PXDNL: variants seen among roughly 807,000 people sequenced by gnomAD.
PXDNL encodes the protein peroxidasin like, also known as probable oxidoreductase PXDNL.
In PXDNL, 145 loss-of-function variants were observed where a neutral mutation model predicts 150.8. That is an observed-to-expected ratio of 0.96 (90% CI 0.84 to 1.10). PXDNL has a LOEUF of 1.10. Ranked by LOEUF, PXDNL falls within the 50% of genes least tolerant of loss-of-function variation. The pLI, the probability that PXDNL is intolerant of heterozygous loss-of-function variation, is 0.00. For synonymous variants in PXDNL, 757 were observed against 725.7 expected (o/e 1.04, Z -0.69); for missense variants, 2,087 against 1,873.9 (o/e 1.11, Z -2.10).
chr8:51,468,543 T>A (rs1388255178), intron 8 of PXDNL, among the ~76,000 whole-genome samples: 1 of 151,974 alleles, frequency 6.6e-6, no homozygotes, highest in African/African-American at 2.4e-5. Flanking sequence ...TAAAATTCAA[T>A]ATTATGTCTT....
rs763976562 is a variant in PXDNL at position 51,750,564 on chromosome 8, C to T, written c.164+58617G>A. Among the ~76,000 whole-genome samples, 5 of 152,198 alleles carry T rather than the reference C, an allele frequency of 3.3e-5. No individual in the cohort carries two copies. The South Asian group carries it at 8.3e-4, about 25-fold the overall frequency. ...ATACACTGTCCATCATTGACCAAAA[C>T]GTCATTATGTGGTGCATGACTGTAT... On this transcript the variant is annotated intron_variant, in intron 1 of 22. Transcript: ENST00000356297.
At chr8:51,355,198 A>G (rs968655562) in intron 19 of PXDNL, among the ~76,000 whole-genome samples, 4 of 152,222 alleles carry the variant, frequency 2.6e-5, no homozygotes, top group African/African-American at 7.2e-5. Flanking sequence ...TAAGTTAAGC[A>G]TGAAAATACT....
At chr8:51,431,377 A>G (rs1247559748) in intron 12 of PXDNL, among the ~76,000 whole-genome samples, 1 of 152,156 alleles carries the variant, frequency 6.6e-6, no homozygotes, top group Non-Finnish European at 1.5e-5. Context: ...GTTTCTTCGA[A>G]AACAAAAACA....
At position 51,552,597 on chromosome 8, in the gene PXDNL, C is replaced by T. The variant is rs573993739; in HGVS notation, c.380+4243G>A. ...AACTCAGAAATGGAAAGCCAAATAT[C>T]GTAGGTTCTCATAAGTGCGAACTAA... On this transcript the variant is annotated intron_variant, in intron 4 of 22. Coordinates refer to ENST00000356297, the MANE Select transcript of PXDNL (RefSeq NM_144651.5). Among the ~76,000 whole-genome samples, 19 of 152,206 alleles carry T rather than the reference C, an allele frequency of 1.2e-4. No individual in the cohort carries two copies. The South Asian group carries it at 2.9e-3, about 23-fold the overall frequency.
At chr8:51,709,675 G>A (rs1316356528) in intron 1 of PXDNL, among the ~76,000 whole-genome samples, 1 of 152,062 alleles carries the variant, frequency 6.6e-6, no homozygotes. Context: ...AGAAATGAAG[G>A]ATAAGTTAAT....
chr8:51,596,655 C>T (rs891023666), intron 2 of PXDNL, among the ~76,000 whole-genome samples: 13 of 151,990 alleles, frequency 8.6e-5, no homozygotes, highest in African/African-American at 2.7e-4. Flanking sequence ...TCTGATGATT[C>T]GTGATGATGA....
intron 6 of PXDNL, among the ~76,000 whole-genome samples, chr8:51,481,710 A>G (rs906628330): frequency 2.0e-5 from 3 of 152,334 alleles, no homozygotes; most frequent in Non-Finnish European, 2.9e-5. Flanking sequence ...TCTAGCCATG[A>G]CTAAAAGGGG....
intron 1 of PXDNL, among the ~76,000 whole-genome samples, chr8:51,705,128 C>G (rs1468663073): frequency 6.6e-6 from 1 of 152,156 alleles, no homozygotes. Context: ...CTGGATCATC[C>G]TTTGACTGAA....
At chr8:51,646,224 C>G (rs1814916913) in intron 2 of PXDNL, among the ~76,000 whole-genome samples, 1 of 152,118 alleles carries the variant, frequency 6.6e-6, no homozygotes, top group African/African-American at 2.4e-5. Context: ...AGCAGGATAT[C>G]TGTGTGCAGA....
At chr8:51,415,434 G>A (rs182957994) in intron 14 of PXDNL, among the ~76,000 whole-genome samples, 3 of 152,274 alleles carry the variant, frequency 2.0e-5, no homozygotes, top group Non-Finnish European at 4.4e-5. Context: ...GGCTGGAACA[G>A]GAGAGAGAGC....
At chr8:51,767,073 C>T (rs1421463961) in intron 1 of PXDNL, among the ~76,000 whole-genome samples, 1 of 151,836 alleles carries the variant, frequency 6.6e-6, no homozygotes, top group African/African-American at 2.4e-5. Context: ...CTATGTCTGT[C>T]CTTCTATTCT....
At chr8:51,543,179 G>A (rs1365789712) in intron 4 of PXDNL, among the ~76,000 whole-genome samples, 1 of 152,120 alleles carries the variant, frequency 6.6e-6, no homozygotes, top group Non-Finnish European at 1.5e-5. Flanking sequence ...CAAGATCAAA[G>A]AGCTAAGTGC....
At chr8:51,354,859 T>C (rs1397939963) in intron 19 of PXDNL, among the ~76,000 whole-genome samples, 2 of 152,120 alleles carry the variant, frequency 1.3e-5, no homozygotes, top group Non-Finnish European at 1.5e-5. Context: ...GAATGCTTTG[T>C]ACTCTATGTA....
chr8:51,622,454 G>A (rs911022145), intron 2 of PXDNL, among the ~76,000 whole-genome samples: 2 of 152,144 alleles, frequency 1.3e-5, no homozygotes, highest in Non-Finnish European at 2.9e-5. Flanking sequence ...GTTGTTTGGG[G>A]TTATATAAAT....
chr8:51,589,300 C>A (rs1286287829), intron 3 of PXDNL, among the ~76,000 whole-genome samples: 1 of 152,108 alleles, frequency 6.6e-6, no homozygotes, highest in African/African-American at 2.4e-5. Context: ...GTTGTTCTAA[C>A]AGATACCAAA....
chr8:51,436,083 G>T, intron 12 of PXDNL: 1 of 513,048 alleles, frequency 1.9e-6, no homozygotes, highest in South Asian at 1.5e-5. Flanking sequence ...GAAACCTTTT[G>T]AAAGGTTCTT....
At position 51,436,205 on chromosome 8, in the gene PXDNL, T is replaced by C. The variant is rs1809403786; in HGVS notation, c.1526-9447A>G. 5.7e-6 allele frequency: 3 copies of C among 522,400 alleles called. No individual in the cohort carries two copies. The African/African-American group carries it at 5.8e-5, about 10-fold the overall frequency. 32.4% of individuals were successfully genotyped at this position (522,400 alleles called of 1,614,324 possible). On this transcript the variant is annotated intron_variant, in intron 12 of 22. Coordinates refer to ENST00000356297, the MANE Select transcript of PXDNL (RefSeq NM_144651.5). The stretch of plus-strand genomic sequence containing the variant: ...TGGTATCATCCCAAAAGCCAACCAT[T>C]CGTGGGCCATGTGTTGACTTTCACC...
At chr8:51,800,705 A>G (rs1040446319) in intron 1 of PXDNL, among the ~76,000 whole-genome samples, 1 of 152,232 alleles carries the variant, frequency 6.6e-6, no homozygotes, top group Non-Finnish European at 1.5e-5. Flanking sequence ...TCTTTACTGC[A>G]ATCTCTGAAC....
intron 6 of PXDNL, among the ~76,000 whole-genome samples, chr8:51,477,894 C>T (rs1161221412): frequency 1.3e-5 from 2 of 152,028 alleles, no homozygotes; most frequent in Non-Finnish European, 2.9e-5. Context: ...TTATTATTTT[C>T]AACTTAAGAT....
Sources: gnomAD v4.1 joint callset for allele counts (sites outside exome capture counted in the v4.1 genomes callset) on GRCh38, gnomAD v4.1.1 for gene constraint, MANE v1.5 for transcripts, NCBI Gene and HGNC (gene_info 2026-07-23, HGNC 2026-07-21) for gene names.